The following PPP2R3A variants were observed in gnomAD, a reference collection of about 807,000 sequenced individuals.
PPP2R3A encodes the protein protein phosphatase 2 regulatory subunit B''alpha.
A neutral mutation model predicts 106.9 loss-of-function variants in PPP2R3A; 80 were observed. The observed-to-expected ratio is 0.75, with a 90% CI of 0.62 to 0.90. The LOEUF (loss-of-function observed/expected upper bound fraction) is 0.90. PPP2R3A is among the 40% of genes least tolerant of loss of function. The pLI is 0.00. For missense variants in PPP2R3A, 1,386 were observed against 1,350.4 expected (o/e 1.03, Z -0.41); for synonymous variants, 483 against 468.3 (o/e 1.03, Z -0.41).
At chr3:136,107,428 A>AT (rs1937536128) in intron 13 of PPP2R3A, among the ~76,000 whole-genome samples, 1 of 135,910 alleles carries the variant, frequency 7.4e-6, no homozygotes, top group African/African-American at 2.8e-5. Context: ...AGATACATGA[A>AT]TTCTTTTTTT....
intron 13 of PPP2R3A, among the ~76,000 whole-genome samples, chr3:136,109,583 T>G (rs1937564960): frequency 6.6e-6 from 1 of 152,228 alleles, no homozygotes; most frequent in Admixed American, 6.5e-5. Flanking sequence ...AATACCTTTG[T>G]GGTTTATGTT....
chr3:136,040,356 A>G (rs1935224164), intron 3 of PPP2R3A, among the ~76,000 whole-genome samples: 1 of 152,186 alleles, frequency 6.6e-6, no homozygotes, highest in Non-Finnish European at 1.5e-5. Context: ...CCTGGCCAAC[A>G]TGGTGAAATT....
At chr3:136,054,394 G>A (rs1935791159) in intron 5 of PPP2R3A, among the ~76,000 whole-genome samples, 1 of 151,760 alleles carries the variant, frequency 6.6e-6, no homozygotes, top group Non-Finnish European at 1.5e-5. Context: ...AGGTAGCTGG[G>A]ATTACAGGCA....
chr3:136,113,124 A>T (rs1179562755), intron 13 of PPP2R3A, among the ~76,000 whole-genome samples: 3 of 151,846 alleles, frequency 2.0e-5, no homozygotes, highest in Admixed American at 2.0e-4. Flanking sequence ...CAAAAGAAAA[A>T]AAAAATCATA....
chr3:136,098,948 A>AC (rs1298207197), intron 10 of PPP2R3A, among the ~76,000 whole-genome samples: 3 of 152,184 alleles, frequency 2.0e-5, no homozygotes, highest in African/African-American at 7.2e-5. Context: ...AGAACATAAA[A>AC]CAGAGGGTCT....
intron 13 of PPP2R3A, among the ~76,000 whole-genome samples, chr3:136,124,166 T>C (rs1002621713): frequency 6.6e-6 from 1 of 152,192 alleles, no homozygotes; most frequent in Non-Finnish European, 1.5e-5. Flanking sequence ...TTCAAAATTA[T>C]CTTTAAATGA....
intron 13 of PPP2R3A, among the ~76,000 whole-genome samples, chr3:136,116,244 A>G (rs1032895233): frequency 1.3e-5 from 2 of 152,224 alleles, no homozygotes; most frequent in Non-Finnish European, 2.9e-5. Context: ...TGAAGGAAGC[A>G]CTAAACATGG....
chr3:136,027,270 A>G (rs991402091), intron 3 of PPP2R3A, among the ~76,000 whole-genome samples, 172 bp downstream of exon 3: 2 of 151,680 alleles, frequency 1.3e-5, no homozygotes, highest in African/African-American at 4.8e-5. Context: ...TCAACCTCCT[A>G]TTTAATATAA....
chr3:136,103,377 G>A lies in PPP2R3A; in HGVS notation c.3222+1G>A. On this transcript the variant is annotated splice_donor_variant, in intron 12 of 13. Coordinates refer to ENST00000264977, the MANE Select transcript of PPP2R3A (RefSeq NM_002718.5). LOFTEE classifies it high-confidence loss of function. ...GAGAGATCCCTTTGCGGTCCAGAAG[G>A]TAACAGTATAATTTTAACTTTTATT... 3.8e-6 allele frequency: 6 copies of A among 1,567,818 alleles called. No individual in the cohort carries two copies. The highest frequency in any genetic ancestry group is 4.4e-6 in the Non-Finnish European group (5 of 1,141,874).
intron 5 of PPP2R3A, among the ~76,000 whole-genome samples, chr3:136,052,653 A>G (rs1935722000): frequency 6.6e-6 from 1 of 152,214 alleles, no homozygotes; most frequent in Non-Finnish European, 1.5e-5. Context: ...AAGCTTTGAC[A>G]GGAATGTAAA....
chr3:136,131,237 G>T (rs1028675282), intron 13 of PPP2R3A, among the ~76,000 whole-genome samples: 6 of 152,254 alleles, frequency 3.9e-5, no homozygotes, highest in Middle Eastern at 6.8e-3. Flanking sequence ...GCAACCTACA[G>T]AATGGGAGAA....
At chr3:136,069,058 G>A (rs1224939909) in intron 5 of PPP2R3A, among the ~76,000 whole-genome samples, 2 of 152,166 alleles carry the variant, frequency 1.3e-5, no homozygotes, top group East Asian at 3.8e-4. Context: ...CAGATTGGAA[G>A]AGACCAGTGA....
At chr3:136,085,353 A>G (rs958979160) in intron 8 of PPP2R3A, among the ~76,000 whole-genome samples, 1 of 152,094 alleles carries the variant, frequency 6.6e-6, no homozygotes, top group Non-Finnish European at 1.5e-5. Context: ...TTCCACCATG[A>G]TTGTGAGGCC....
intron 1 of PPP2R3A, among the ~76,000 whole-genome samples, chr3:135,979,086 A>C (rs1937500298): frequency 6.6e-6 from 1 of 151,768 alleles, no homozygotes; most frequent in African/African-American, 2.4e-5. Flanking sequence ...TTACTTTTAA[A>C]ATATTTATTT....
At chr3:136,028,486 T>TA (rs1414655338) in intron 3 of PPP2R3A, among the ~76,000 whole-genome samples, 2 of 152,234 alleles carry the variant, frequency 1.3e-5, no homozygotes, top group Non-Finnish European at 2.9e-5. Context: ...TACAAGTACT[T>TA]ACCTGAAGTC....
rs1237861729 is a variant in PPP2R3A, at chr3:136,001,728, A to G, written c.230A>G (p.Asn77Ser). The G allele has an allele frequency of 3.1e-6, 5 of 1,614,116 alleles. No homozygotes were observed. Among genetic ancestry groups the G allele is most frequent in the Non-Finnish European group, 4.2e-6 (5 of 1,180,016 alleles). ...AACTCTATGTTTCTACCCCATGAAA[A>G]TGGGCTTTCTTCGGCTGAAGGAGAC... Reference protein sequence around the residue: ...DLNSMFLPHENGLSSAEGDYP... With the variant: ...DLNSMFLPHESGLSSAEGDYP... Residue 77 changes from asparagine (N) to serine (S), a missense_variant, in exon 2 of 14, where the codon AAT becomes AGT. Physicochemically the swap from Asn to Ser is conservative, Grantham distance 46. Coordinates refer to ENST00000264977, the MANE Select transcript of PPP2R3A (RefSeq NM_002718.5).
intron 8 of PPP2R3A, among the ~76,000 whole-genome samples, chr3:136,087,247 C>G (rs1311946034): frequency 1.7e-4 from 11 of 64,310 alleles, no homozygotes; most frequent in Middle Eastern, 6.7e-3. Context: ...CTAGTCGTGT[C>G]TCTCTCTCTC....
At chr3:136,102,929 CAG>C (rs1190296565) in intron 11 of PPP2R3A, among the ~76,000 whole-genome samples, 1 of 152,042 alleles carries the variant, frequency 6.6e-6, no homozygotes, top group African/African-American at 2.4e-5. Flanking sequence ...TTGATGGGCA[CAG>C]AGTTTCCTTT....
chr3:136,120,555 T>C (rs1014082542), intron 13 of PPP2R3A, among the ~76,000 whole-genome samples: 2 of 151,864 alleles, frequency 1.3e-5, no homozygotes, highest in East Asian at 3.9e-4. Flanking sequence ...GCCACTGCAC[T>C]CCAGCCTGAG....
Sources: allele counts gnomAD v4.1 joint callset (sites outside exome capture counted in the v4.1 genomes callset), GRCh38; gene constraint gnomAD v4.1.1; transcripts MANE v1.5; gene names NCBI Gene and HGNC (gene_info 2026-07-23, HGNC 2026-07-21).